The following ST3GAL3 variants were observed in gnomAD, a reference collection of about 807,000 sequenced individuals.
The protein encoded by ST3GAL3 is CMP-N-acetylneuraminate-beta-1,4-galactoside alpha-2,3-sialyltransferase.
A neutral mutation model predicts 50.1 loss-of-function variants in ST3GAL3; 21 were observed. The ratio of observed to expected loss-of-function variants is 0.42; its 90% CI spans 0.30 to 0.60. The LOEUF (loss-of-function observed/expected upper bound fraction) is 0.60, where lower values mean the gene tolerates loss of function less well. Ranked by LOEUF, ST3GAL3 falls within the 20% of genes least tolerant of loss-of-function variation. The pLI, the probability that ST3GAL3 is intolerant of heterozygous loss-of-function variation, is 0.19. For synonymous variants in ST3GAL3, 183 were observed against 190.0 expected (o/e 0.96, Z 0.30); for missense variants, 353 against 489.4 (o/e 0.72, Z 2.63).
chr1:43,752,760 C>T (rs1351501186), intron 2 of ST3GAL3, among the ~76,000 whole-genome samples: 4 of 152,188 alleles, frequency 2.6e-5, no homozygotes, highest in East Asian at 1.9e-4. Flanking sequence ...ACCTCAGACT[C>T]CCAAACTGCT....
Position 43,915,149 on chromosome 1 carries a change from G to A in ST3GAL3, c.745-5255G>A, listed in dbSNP as rs903426319. 2.6e-5 allele frequency among the ~76,000 whole-genome samples: 4 copies of A among 152,230 alleles called. No homozygotes were observed. In the South Asian group the frequency reaches 8.3e-4, roughly 32 times the overall value. On this transcript the variant is annotated intron_variant, in intron 9 of 11. Transcript: ENST00000347631. ...GTTGCCACAGAGTTGGGAGCCATGAGGAGGGAGTGGCTGGAACAGAGACAA... is the reference window on the plus strand; with the variant it reads ...GTTGCCACAGAGTTGGGAGCCATGAAGAGGGAGTGGCTGGAACAGAGACAA...
chr1:43,743,852 C>CA (rs1047177598), intron 2 of ST3GAL3: 8 of 162,444 alleles, frequency 4.9e-5, no homozygotes, highest in Non-Finnish European at 9.1e-5. Context: ...TTCCCCCCCC[C>CA]CCCATTCCTA....
intron 3 of ST3GAL3, among the ~76,000 whole-genome samples, chr1:43,804,112 G>A (rs1477363879): frequency 1.3e-5 from 2 of 152,164 alleles, no homozygotes; most frequent in African/African-American, 4.8e-5. Flanking sequence ...GGATCATTGG[G>A]CTGCTGGTGA....
chr1:43,889,851 T>C (rs1458163010), intron 5 of ST3GAL3, among the ~76,000 whole-genome samples: 7 of 152,234 alleles, frequency 4.6e-5, no homozygotes, highest in Admixed American at 4.6e-4. Flanking sequence ...ACAAATCTTA[T>C]AATCCTAATT....
chr1:43,775,354 CT>C (rs1696800493), intron 2 of ST3GAL3, among the ~76,000 whole-genome samples: 1 of 152,024 alleles, frequency 6.6e-6, no homozygotes, highest in Admixed American at 6.6e-5. Context: ...CTGCCTCAGC[CT>C]CCAGAATAGC....
intron 5 of ST3GAL3, among the ~76,000 whole-genome samples, chr1:43,864,825 G>A (rs2070890366): frequency 6.6e-6 from 1 of 152,044 alleles, no homozygotes; most frequent in Non-Finnish European, 1.5e-5. Flanking sequence ...TCAGGCAGCT[G>A]GCAAGGTAGT....
At chr1:43,745,175 C>T (rs1465617359) in intron 2 of ST3GAL3, among the ~76,000 whole-genome samples, 2 of 152,126 alleles carry the variant, frequency 1.3e-5, no homozygotes, top group Non-Finnish European at 2.9e-5. Context: ...TTTCCTTCTT[C>T]TCATAACTTT....
chr1:43,817,601 T>TCTCCTC (rs2061490466), intron 4 of ST3GAL3, among the ~76,000 whole-genome samples: 1 of 29,182 alleles, frequency 3.4e-5, no homozygotes, highest in Non-Finnish European at 7.6e-5. Context: ...CCTCCTCCCT[T>TCTCCTC]CTCCTTCTCC....
chr1:43,714,473 C>T (rs560153384), intron 1 of ST3GAL3, among the ~76,000 whole-genome samples: 75 of 149,094 alleles, frequency 5.0e-4, no homozygotes, highest in African/African-American at 1.6e-3. Flanking sequence ...GGCATGGCAG[C>T]GTGCACCTGT....
At chr1:43,821,154 G>A (rs1027969522) in intron 4 of ST3GAL3, among the ~76,000 whole-genome samples, 6 of 152,158 alleles carry the variant, frequency 3.9e-5, no homozygotes, top group Admixed American at 1.3e-4. Context: ...GCTATCCTGC[G>A]AGCTGAAGTC....
At chr1:43,913,308 C>G (rs1380879210) in intron 9 of ST3GAL3, 1 of 152,202 alleles carries the variant, frequency 6.6e-6, no homozygotes, top group Non-Finnish European at 1.5e-5. Flanking sequence ...AGACCCCGTG[C>G]CAGATGCTGT....
intron 9 of ST3GAL3, among the ~76,000 whole-genome samples, chr1:43,917,466 AATATATAAT>A (rs1184846244): frequency 7.7e-5 from 7 of 90,534 alleles, no homozygotes; most frequent in Admixed American, 2.0e-4. Context: ...TAATATATAT[AATATATAAT>A]ATATATAATA....
chr1:43,740,215 T>A (rs973037694), intron 2 of ST3GAL3, among the ~76,000 whole-genome samples: 2 of 151,434 alleles, frequency 1.3e-5, no homozygotes, highest in African/African-American at 2.4e-5. Flanking sequence ...TACAAAAAAT[T>A]AGCCAGGTGT....
At chr1:43,729,346 C>T (rs1571593676) in intron 1 of ST3GAL3, among the ~76,000 whole-genome samples, 1 of 152,088 alleles carries the variant, frequency 6.6e-6, no homozygotes. Context: ...TCCCAAAGTA[C>T]GGGGATTACA....
At chr1:43,766,772 A>G (rs1693200968) in intron 2 of ST3GAL3, among the ~76,000 whole-genome samples, 1 of 152,210 alleles carries the variant, frequency 6.6e-6, no homozygotes, top group Admixed American at 6.5e-5. Flanking sequence ...GTGAAGGAAA[A>G]TTAACAACAC....
intron 4 of ST3GAL3, among the ~76,000 whole-genome samples, chr1:43,827,441 A>G (rs999307462): frequency 6.6e-6 from 1 of 152,200 alleles, no homozygotes; most frequent in Non-Finnish European, 1.5e-5. Flanking sequence ...AACTCTAATG[A>G]AAGAAATCAA....
intron 5 of ST3GAL3, among the ~76,000 whole-genome samples, chr1:43,854,348 A>G (rs1422020258): frequency 6.6e-6 from 1 of 152,144 alleles, no homozygotes; most frequent in African/African-American, 2.4e-5. Context: ...ACAGATAGAT[A>G]GTCTTTCTCT....
chr1:43,745,973 A>G (rs1254230936), intron 2 of ST3GAL3, among the ~76,000 whole-genome samples: 2 of 152,246 alleles, frequency 1.3e-5, no homozygotes, highest in African/African-American at 2.4e-5. Context: ...ACAATTGCCT[A>G]CAGTATTTCA....
At chr1:43,803,270 C>T (rs2154165539) in intron 3 of ST3GAL3, among the ~76,000 whole-genome samples, 1 of 151,842 alleles carries the variant, frequency 6.6e-6, no homozygotes, top group Admixed American at 6.6e-5. Context: ...AGGCCGGGCA[C>T]AGTGGTACGC....
Sources: gnomAD v4.1 joint callset for allele counts (sites outside exome capture counted in the v4.1 genomes callset) on GRCh38, gnomAD v4.1.1 for gene constraint, MANE v1.5 for transcripts, NCBI Gene and HGNC (gene_info 2026-07-23, HGNC 2026-07-21) for gene names.